The following STXBP5L variants were observed in gnomAD, a reference collection of about 807,000 sequenced individuals.
STXBP5L encodes syntaxin binding protein 5L.
In STXBP5L, 65 loss-of-function variants were observed where a neutral mutation model predicts 144.5. The ratio of observed to expected loss-of-function variants is 0.45; its 90% confidence interval spans 0.37 to 0.55. STXBP5L has a LOEUF of 0.55. Ranked by LOEUF, STXBP5L falls within the 20% of genes least tolerant of loss-of-function variation. The pLI is 0.00. For synonymous variants in STXBP5L, 505 were observed against 469.6 expected (o/e 1.08, Z -0.97); for missense variants, 1,298 against 1,405.5 (o/e 0.92, Z 1.22).
chr3:121,359,342 T>C (rs1048311026), intron 20 of STXBP5L, among the ~76,000 whole-genome samples: 1 of 152,184 alleles, frequency 6.6e-6, no homozygotes, highest in African/African-American at 2.4e-5. Context: ...GCTTTTTATA[T>C]ATTTTGGTTA....
chr3:120,946,084 C>G (rs1576461840), intron 2 of STXBP5L, among the ~76,000 whole-genome samples: 2 of 151,732 alleles, frequency 1.3e-5, no homozygotes, highest in South Asian at 4.2e-4. Context: ...TACTGGGAAG[C>G]ATTCCTCATA....
rs538839256 is a variant in STXBP5L at position 121,004,035 on chromosome 3, T to C, written c.288-37665T>C. ...TTAGGATTGACTTGGCAATGCAGGC[T>C]CTTTTTTGGTTCCATATGAACTTTA... is the stretch of plus-strand genomic sequence containing the variant. On this transcript the variant is annotated intron_variant, in intron 3 of 26. Transcript: ENST00000471454. 2.0e-5 allele frequency among the ~76,000 whole-genome samples: 3 copies of C among 152,212 alleles called. No individual in the cohort carries two copies. In the East Asian group the frequency reaches 5.8e-4, roughly 29 times the overall value.
chr3:121,407,256 A>G lies in STXBP5L; in HGVS notation c.2601A>G (p.Ser867=). ...VMVLPSGTFL[S]LKGAVLTFSC... ...TTGTTTTTATAGGTACATTCCTCTC[A>G]TTGAAAGGAGCTGTGCTAACATTCT... The change falls in exon 23 of 27, where the codon TCA becomes TCG. Residue 867 remains serine, a synonymous_variant. Transcript: ENST00000471454. 1 of 1,565,018 alleles carries G rather than the reference A, an allele frequency of 6.4e-7. No homozygotes were observed. The highest frequency in any genetic ancestry group is 8.6e-7 in the Non-Finnish European group (1 of 1,158,180).
intron 3 of STXBP5L, among the ~76,000 whole-genome samples, chr3:120,972,213 T>A (rs1211695812): frequency 6.6e-6 from 1 of 152,042 alleles, no homozygotes; most frequent in Non-Finnish European, 1.5e-5. Context: ...TAAGCATGGA[T>A]GTTTTTCCAT....
chr3:121,100,539 G>T (rs1177481533), intron 5 of STXBP5L, among the ~76,000 whole-genome samples: 1 of 152,072 alleles, frequency 6.6e-6, no homozygotes, highest in Non-Finnish European at 1.5e-5. Flanking sequence ...GAAATTATTT[G>T]ACATAAATGA....
intron 3 of STXBP5L, among the ~76,000 whole-genome samples, chr3:121,038,326 A>G (rs903725685): frequency 1.3e-5 from 2 of 151,900 alleles, no homozygotes; most frequent in Admixed American, 1.3e-4. Context: ...CACCTTTGAT[A>G]TATTTTTATT....
chr3:121,060,595 C>G (rs1386835746), intron 5 of STXBP5L, among the ~76,000 whole-genome samples: 2 of 152,182 alleles, frequency 1.3e-5, no homozygotes, highest in Non-Finnish European at 2.9e-5. Flanking sequence ...GTGAATCTGT[C>G]TTGTTCTGGA....
intron 18 of STXBP5L, among the ~76,000 whole-genome samples, chr3:121,272,751 T>G (rs2050767328): frequency 6.6e-6 from 1 of 152,136 alleles, no homozygotes; most frequent in African/African-American, 2.4e-5. Context: ...ATGCTTTGAT[T>G]CTTTTCTCTT....
In STXBP5L at chr3:120,973,807, T is replaced by C. The variant is rs1167998106; in HGVS notation, c.287+18770T>C. Among the ~76,000 whole-genome samples, 5 of 152,058 alleles carry C rather than the reference T, an allele frequency of 3.3e-5. No homozygotes were observed. In the East Asian group the frequency reaches 7.8e-4, roughly 24 times the overall value. ...GAACATGCGGTGTTTGGTTTTTTGT[T>C]CTTGCGATAGTTTACTGAGAATGAT... On this transcript the variant is annotated intron_variant, in intron 3 of 26. Coordinates refer to ENST00000471454, the MANE Select transcript of STXBP5L (RefSeq NM_001308330.2).
intron 22 of STXBP5L, among the ~76,000 whole-genome samples, chr3:121,387,780 A>G (rs564619776): frequency 5.5e-4 from 84 of 152,318 alleles, no homozygotes; most frequent in Middle Eastern, 3.4e-3. Flanking sequence ...TTTTGGTACC[A>G]GTACCATGCT....
chr3:121,043,631 C>T (rs971924595), intron 4 of STXBP5L, among the ~76,000 whole-genome samples: 2 of 152,126 alleles, frequency 1.3e-5, no homozygotes, highest in Non-Finnish European at 2.9e-5. Context: ...ATTGCTTGAA[C>T]TTGGGAGGCA....
chr3:121,040,641 A>C (rs1465144797), intron 3 of STXBP5L, among the ~76,000 whole-genome samples: 2 of 152,008 alleles, frequency 1.3e-5, no homozygotes, highest in East Asian at 3.9e-4. Context: ...ACTCAACCCT[A>C]TGAACTCTAG....
chr3:121,157,883 A>G (rs2046178028), intron 9 of STXBP5L: 2 of 385,576 alleles, frequency 5.2e-6, no homozygotes, highest in Non-Finnish European at 9.1e-6. Flanking sequence ...TGGATAATGG[A>G]TGGTTGATAT....
chr3:121,323,601 T>C (rs571441304), intron 20 of STXBP5L, among the ~76,000 whole-genome samples: 1 of 152,332 alleles, frequency 6.6e-6, no homozygotes, highest in East Asian at 1.9e-4. Context: ...TTCACTCAAC[T>C]ATACATCAAA....
At chr3:121,108,740 G>A (rs1316463411) in intron 5 of STXBP5L, among the ~76,000 whole-genome samples, 1 of 152,058 alleles carries the variant, frequency 6.6e-6, no homozygotes, top group Non-Finnish European at 1.5e-5. Flanking sequence ...AATGATTGAT[G>A]CACTAGTCCT....
chr3:121,130,289 T>C (rs1403142137), intron 7 of STXBP5L, among the ~76,000 whole-genome samples: 1 of 152,086 alleles, frequency 6.6e-6, no homozygotes, highest in Non-Finnish European at 1.5e-5. Context: ...CCTGGGCCCT[T>C]GTAGAGACTG....
At chr3:120,991,678 G>A (rs1365800202) in intron 3 of STXBP5L, among the ~76,000 whole-genome samples, 3 of 152,180 alleles carry the variant, frequency 2.0e-5, no homozygotes, top group Admixed American at 6.6e-5. Context: ...CATGTCCTTT[G>A]TAGGGACGTG....
intron 7 of STXBP5L, among the ~76,000 whole-genome samples, chr3:121,125,237 G>A (rs548510532): frequency 2.0e-5 from 3 of 152,210 alleles, no homozygotes; most frequent in South Asian, 2.1e-4. Context: ...GGGAGGACGA[G>A]GTGGGTGGAT....
At chr3:120,994,254 C>T (rs1488600737) in intron 3 of STXBP5L, among the ~76,000 whole-genome samples, 1 of 152,022 alleles carries the variant, frequency 6.6e-6, no homozygotes, top group East Asian at 1.9e-4. Flanking sequence ...TTGACTTCCT[C>T]TTTTCTAATT....
Sources: allele counts gnomAD v4.1 joint callset (sites outside exome capture counted in the v4.1 genomes callset), GRCh38; gene constraint gnomAD v4.1.1; transcripts MANE v1.5; gene names NCBI Gene and HGNC (gene_info 2026-07-23, HGNC 2026-07-21).